Variants in EDNRB observed in about 807,000 individuals in gnomAD.
The protein encoded by EDNRB is endothelin receptor type B.
Under a neutral mutation model 46.4 loss-of-function variants are expected in EDNRB, and 18 were observed. The ratio of observed to expected loss-of-function variants is 0.39; its 90% CI spans 0.27 to 0.57. The LOEUF is 0.57. Among genes scored for constraint, EDNRB ranks in the 20% least tolerant of loss-of-function variants. The pLI is 0.61. For synonymous variants in EDNRB, 213 were observed against 204.9 expected (o/e 1.04, Z -0.34); for missense variants, 434 against 537.5 (o/e 0.81, Z 1.90).
intron 5 of EDNRB, among the ~76,000 whole-genome samples, chr13:77,900,279 T>A (rs1044246292): frequency 6.6e-6 from 1 of 151,896 alleles, no homozygotes; most frequent in Non-Finnish European, 1.5e-5. Context: ...GAATCGGACC[T>A]GACATTTTCC....
chr13:77,936,267 G>A (rs995389928), intron 1 of EDNRB, among the ~76,000 whole-genome samples: 4 of 152,116 alleles, frequency 2.6e-5, no homozygotes, highest in Admixed American at 6.5e-5. Flanking sequence ...GAATAGTCAG[G>A]GAAGCAGATA....
chr13:77,907,367 A>C (rs561091857), intron 1 of EDNRB, among the ~76,000 whole-genome samples: 20 of 152,094 alleles, frequency 1.3e-4, no homozygotes, highest in African/African-American at 4.8e-4. Context: ...CCTGGCCCTC[A>C]GACTGGTTTC....
intron 1 of EDNRB, among the ~76,000 whole-genome samples, chr13:77,915,704 C>T (rs1879776427): frequency 1.3e-5 from 2 of 152,178 alleles, no homozygotes; most frequent in Admixed American, 6.5e-5. Flanking sequence ...GATATTGTGT[C>T]TCAAGCTAAA....
chr13:77,937,060 T>C (rs995722325), intron 1 of EDNRB, among the ~76,000 whole-genome samples: 1 of 152,166 alleles, frequency 6.6e-6, no homozygotes. Context: ...GATTGGGTGA[T>C]AAAATGCATA....
chr13:77,949,854 T>G (rs7325878), intron 1 of EDNRB, among the ~76,000 whole-genome samples: 1 of 151,904 alleles, frequency 6.6e-6, no homozygotes, highest in East Asian at 1.9e-4. Flanking sequence ...CCTGAGAAAC[T>G]TCCTTAACCT....
intron 1 of EDNRB, among the ~76,000 whole-genome samples, chr13:77,904,410 C>T (rs1879168822): frequency 6.6e-6 from 1 of 151,814 alleles, no homozygotes; most frequent in Non-Finnish European, 1.5e-5. Flanking sequence ...AGATTTTTTT[C>T]TGTCTGGATC....
intron 1 of EDNRB, among the ~76,000 whole-genome samples, chr13:77,915,555 ACTT>A (rs1879769357): frequency 6.6e-6 from 1 of 152,198 alleles, no homozygotes; most frequent in African/African-American, 2.4e-5. Flanking sequence ...TAGGCAAGTT[ACTT>A]CTTCACCTCT....
chr13:77,896,421 A>G lies in EDNRB; in HGVS notation c.*1779T>C. 13 of 1,541,774 alleles carry G rather than the reference A, an allele frequency of 8.4e-6. No homozygotes were observed. Among genetic ancestry groups the G allele is most frequent in the Non-Finnish European group, 1.1e-5 (13 of 1,143,782 alleles). On this transcript the variant is annotated 3_prime_UTR_variant, in exon 7 of 7. Transcript: ENST00000646607. ...ACAAGTTTGTGGGTGATTTATAAAT[A>G]GAATCCATATGGTGTGTGAATTAAT...
chr13:77,919,587 G>A, upstream of EDNRB: 1 of 1,611,276 alleles, frequency 6.2e-7, no homozygotes, highest in Non-Finnish European at 8.5e-7. Context: ...CGGGGTCTCT[G>A]CTGCCATCAG....
chr13:77,933,822 G>T (rs146446855), intron 1 of EDNRB, among the ~76,000 whole-genome samples: 1 of 152,114 alleles, frequency 6.6e-6, no homozygotes, highest in Non-Finnish European at 1.5e-5. Context: ...TTGTGGTAAG[G>T]AGTGATATTG....
chr13:77,913,093 A>G (rs1487204134), intron 1 of EDNRB, among the ~76,000 whole-genome samples: 1 of 152,192 alleles, frequency 6.6e-6, no homozygotes, highest in Non-Finnish European at 1.5e-5. Context: ...AAGTACCAGA[A>G]GTAGTCTAAG....
chr13:77,947,306 T>A (rs1880952253), intron 1 of EDNRB, among the ~76,000 whole-genome samples: 1 of 151,984 alleles, frequency 6.6e-6, no homozygotes, highest in African/African-American at 2.4e-5. Context: ...TTTTTTTTTT[T>A]TCTATTTTTA....
chr13:77,932,714 A>G (rs1347261467), intron 1 of EDNRB, among the ~76,000 whole-genome samples: 1 of 152,218 alleles, frequency 6.6e-6, no homozygotes, highest in African/African-American at 2.4e-5. Context: ...CTTTTTGAAA[A>G]GGACTATAAA....
intron 1 of EDNRB, among the ~76,000 whole-genome samples, chr13:77,950,986 A>G (rs571748424): frequency 3.9e-5 from 6 of 152,190 alleles, no homozygotes; most frequent in Non-Finnish European, 8.8e-5. Context: ...AGGATAAGAG[A>G]GGTTTTTAAG....
intron 1 of EDNRB, among the ~76,000 whole-genome samples, chr13:77,957,740 T>C (rs919795409): frequency 8.5e-5 from 13 of 152,236 alleles, no homozygotes; most frequent in African/African-American, 2.2e-4. Context: ...GGTTTTGTTC[T>C]TGTCCACTCA....
chr13:77,921,141 C>A (rs1880075456), upstream of EDNRB, among the ~76,000 whole-genome samples: 1 of 152,148 alleles, frequency 6.6e-6, no homozygotes, highest in South Asian at 2.1e-4. Flanking sequence ...GACTTAATTT[C>A]TTTTACAGGA....
At chr13:77,935,078 G>A (rs545220627) in intron 1 of EDNRB, among the ~76,000 whole-genome samples, 5 of 151,976 alleles carry the variant, frequency 3.3e-5, no homozygotes, top group African/African-American at 9.6e-5. Flanking sequence ...GAGCCGGGGA[G>A]CAGAAAGTAT....
intron 1 of EDNRB, among the ~76,000 whole-genome samples, chr13:77,929,849 A>C (rs898841006): frequency 6.6e-6 from 1 of 152,222 alleles, no homozygotes; most frequent in African/African-American, 2.4e-5. Flanking sequence ...TAGTGTCTCC[A>C]TTGTGAGATT....
intron 1 of EDNRB, among the ~76,000 whole-genome samples, chr13:77,932,589 A>G (rs1411107185): frequency 6.6e-6 from 1 of 152,202 alleles, no homozygotes; most frequent in Non-Finnish European, 1.5e-5. Context: ...CAGATCTGGG[A>G]CCTTAGACCA....
Sources: allele counts gnomAD v4.1 joint callset (sites outside exome capture counted in the v4.1 genomes callset), GRCh38; gene constraint gnomAD v4.1.1; transcripts MANE v1.5; gene names NCBI Gene and HGNC (gene_info 2026-07-23, HGNC 2026-07-21).